Variants in ZBTB4 observed in about 807,000 individuals in gnomAD.
ZBTB4 encodes zinc finger and BTB domain-containing protein 4.
A neutral mutation model predicts 59.8 loss-of-function variants in ZBTB4; 14 were observed. That is an observed-to-expected ratio of 0.23 (90% confidence interval 0.15 to 0.37). ZBTB4 has a LOEUF of 0.37. Among genes scored for constraint, ZBTB4 ranks in the 10% least tolerant of loss-of-function variants. The pLI is 1.00. For missense variants in ZBTB4, 1,198 were observed against 1,380.8 expected (o/e 0.87, Z 2.10); for synonymous variants, 587 against 575.2 (o/e 1.02, Z -0.29).
rs368298812 is a variant in ZBTB4, at chr17:7,476,176, C to A, written c.-81+3280G>T. Among the ~76,000 whole-genome samples the A allele has an allele frequency of 2.0e-5, 3 of 152,306 alleles. No individual in the cohort carries two copies. In the East Asian group the frequency reaches 5.8e-4, roughly 29 times the overall value. ...CTTCCTCCATCCAGCCCTCCTCCCC[C>A]TGAGGGTCAACGTCCCTAACCACAG... is the stretch of plus-strand genomic sequence containing the variant. On this transcript the variant is annotated intron_variant, in intron 1 of 3. Coordinates refer to ENST00000380599, the MANE Select transcript of ZBTB4 (RefSeq NM_001128833.2).
At chr17:7,479,130 G>C (rs566708250) in intron 1 of ZBTB4, among the ~76,000 whole-genome samples, 19 of 151,804 alleles carry the variant, frequency 1.3e-4, no homozygotes, top group African/African-American at 2.4e-4. Flanking sequence ...CTGCCCCACG[G>C]GGGGAGGGGG....
upstream of ZBTB4, among the ~76,000 whole-genome samples, chr17:7,483,838 G>A (rs1223200158): frequency 6.6e-6 from 1 of 152,196 alleles, no homozygotes; most frequent in Non-Finnish European, 1.5e-5. Context: ...TACAGGCCAG[G>A]AGATGCCCAC....
chr17:7,464,963 T>A (rs568575500), intron 3 of ZBTB4, among the ~76,000 whole-genome samples: 1 of 150,270 alleles, frequency 6.7e-6, no homozygotes, highest in South Asian at 2.1e-4. Context: ...GAGACCATAC[T>A]GGCTAACACG....
At position 7,460,940 on chromosome 17, in the gene ZBTB4, C is replaced by T. The variant is rs1403479374; in HGVS notation, c.*1000G>A. 6.6e-6 allele frequency: 1 copy of T among 152,574 alleles called. No individual in the cohort carries two copies. The highest frequency in any genetic ancestry group is 1.5e-5 in the Non-Finnish European group (1 of 68,028). 9.5% of individuals were successfully genotyped at this position (152,574 alleles called of 1,614,324 possible). A position where few individuals can be genotyped will look rare whatever the true frequency, so the allele number is the denominator to read the frequency against. On this transcript the variant is annotated 3_prime_UTR_variant, in exon 4 of 4. Coordinates refer to ENST00000380599, the MANE Select transcript of ZBTB4 (RefSeq NM_001128833.2). ...TAAGGATGGAAGGTCATGTGCAAATCCTGGGCTTACCCACCCATCCGACCC... is the reference window on the plus strand; with the variant it reads ...TAAGGATGGAAGGTCATGTGCAAATTCTGGGCTTACCCACCCATCCGACCC...
Position 7,463,910 on chromosome 17 carries a change from A to C in ZBTB4, c.1092-20T>G, listed in dbSNP as rs894075441. The stretch of plus-strand genomic sequence containing the variant: ...TGGTACCTGGGTCAGGACAGCAGGG[A>C]ATAGGGCAGGAACACAGGCACTTGA... On this transcript the variant is annotated intron_variant, in intron 3 of 3. Coordinates refer to ENST00000380599, the MANE Select transcript of ZBTB4 (RefSeq NM_001128833.2). 2 of 1,602,908 alleles carry C rather than the reference A, an allele frequency of 1.2e-6. No homozygotes were observed. Among genetic ancestry groups the C allele is most frequent in the Non-Finnish European group, 8.5e-7 (1 of 1,174,992 alleles).
chr17:7,468,006 C>G (rs2150857040), intron 1 of ZBTB4, among the ~76,000 whole-genome samples: 1 of 152,328 alleles, frequency 6.6e-6, no homozygotes, highest in South Asian at 2.1e-4. Context: ...ACCTGATGCC[C>G]TAGGGATCTG....
In ZBTB4 at chr17:7,466,693, C is replaced by T; in HGVS notation, c.109G>A (p.Gly37Arg). Residue 37 changes from glycine (G) to arginine (R), a missense_variant, in exon 3 of 4, where the codon GGA becomes AGA. Transcript: ENST00000380599. The surrounding 1 kb of genome is among the most constrained non-coding windows in gnomAD (Gnocchi z 9.1). Reference sequence around the variant, plus strand: ...CGGTGAGCAGGGAACTTGGTGTCTCCGGCTATGAGGGTGACGTCACAGAAG... The same window carrying T: ...CGGTGAGCAGGGAACTTGGTGTCTCTGGCTATGAGGGTGACGTCACAGAAG... ...GLFCDVTLIA[G>R]DTKFPAHRSV... 1 of 1,610,252 alleles carries T rather than the reference C, an allele frequency of 6.2e-7. No homozygotes were observed. Among genetic ancestry groups the T allele is most frequent in the Non-Finnish European group, 8.5e-7 (1 of 1,178,804 alleles).
upstream of ZBTB4, chr17:7,481,436 C>T: frequency 2.9e-6 from 4 of 1,391,012 alleles, no homozygotes; most frequent in Non-Finnish European, 3.7e-6. Flanking sequence ...CCCACCCCCA[C>T]TCCAACCATG....
intron 1 of ZBTB4, among the ~76,000 whole-genome samples, chr17:7,468,879 G>A (rs1032381963): frequency 1.3e-5 from 2 of 152,198 alleles, no homozygotes; most frequent in African/African-American, 4.8e-5. Context: ...GAAGGAAGAT[G>A]GTAAACAGGG....
At chr17:7,482,797 C>G (rs1257115096), upstream of ZBTB4, 2 of 1,611,910 alleles carry the variant, frequency 1.2e-6, no homozygotes, top group African/African-American at 2.7e-5. Flanking sequence ...CATGTGTGAG[C>G]TATGCGGTCA....
In ZBTB4 at chr17:7,462,703, C is replaced by G. The variant is rs1284395807; in HGVS notation, c.2279G>C (p.Arg760Thr). 6 of 1,604,746 alleles carry G rather than the reference C, an allele frequency of 3.7e-6. No individual in the cohort carries two copies. The highest frequency in any genetic ancestry group is 5.1e-6 in the Non-Finnish European group (6 of 1,179,684). The change falls in exon 4 of 4, where the codon AGG becomes ACG. Residue 760 changes from arginine (R) to threonine (T), a missense_variant. Arg to Thr is a moderately conservative substitution (Grantham distance 71). This residue lies in a region of ZBTB4 where 550 missense variants were observed against 541.8 expected (regional missense o/e 1.02). Coordinates refer to ENST00000380599, the MANE Select transcript of ZBTB4 (RefSeq NM_001128833.2). This position sits in a 1 kb window ranked among gnomAD's most constrained non-coding sequence, Gnocchi z 7.5. ...GGGGCAGGTAAAGCGGGTGGAGGGCCTCCGTCCGGCCCGGGAGCTGTGGGA... is the reference window on the plus strand; with the variant it reads ...GGGGCAGGTAAAGCGGGTGGAGGGCGTCCGTCCGGCCCGGGAGCTGTGGGA... ...GGSHSSRAGR[R>T]PSTRFTCPHC... is the part of the protein sequence containing the mutation.
In ZBTB4 at chr17:7,462,842, C is replaced by G. The variant is rs1177536226; in HGVS notation, c.2140G>C (p.Glu714Gln). The G allele has an allele frequency of 6.2e-7, 1 of 1,603,552 alleles. No individual in the cohort carries two copies. The highest frequency in any genetic ancestry group is 8.5e-7 in the Non-Finnish European group (1 of 1,179,742). The part of the protein sequence containing the change: ...RRSWEETPAA[E>Q]SPAGRARTER... ...GTGCGGGCACGTCCCGCTGGGCTCT[C>G]GGCCGCTGGGGTTTCCTCCCAGCTC... Residue 714 changes from glutamate to glutamine, a missense_variant, in exon 4 of 4, where the codon GAG becomes CAG. By Grantham distance (29) the Glu-to-Gln change is conservative. Around this residue, in one of 9 missense-constraint regions of ZBTB4, gnomAD observed 550 missense variants for 541.8 expected, o/e 1.02. Coordinates refer to ENST00000380599, the MANE Select transcript of ZBTB4 (RefSeq NM_001128833.2). This position sits in a 1 kb window ranked among gnomAD's most constrained non-coding sequence, Gnocchi z 7.5.
chr17:7,482,883 T>C (rs752637253), upstream of ZBTB4: 7 of 1,612,036 alleles, frequency 4.3e-6, no homozygotes, highest in Non-Finnish European at 5.9e-6. Flanking sequence ...CAGTATTATA[T>C]GCTCCATGAG....
chr17:7,468,017 G>A (rs1403217404), intron 1 of ZBTB4, among the ~76,000 whole-genome samples: 2 of 152,196 alleles, frequency 1.3e-5, no homozygotes, highest in Admixed American at 1.3e-4. Flanking sequence ...TAGGGATCTG[G>A]ACTTAAAAAG....
intron 3 of ZBTB4, 37 bp downstream of exon 3, chr17:7,465,674 G>A (rs763117108): frequency 1.3e-5 from 20 of 1,560,546 alleles, no homozygotes; most frequent in Non-Finnish European, 8.7e-7. Context: ...CTGAGTGCCA[G>A]CCTCCAGCCG....
At chr17:7,481,622 A>G (rs965774761), upstream of ZBTB4, 34 of 792,982 alleles carry the variant, frequency 4.3e-5, no homozygotes, top group Non-Finnish European at 5.9e-5. Flanking sequence ...ATACCCACAA[A>G]TAGAATTCAT....
chr17:7,479,637 C>T, upstream of ZBTB4: 1 of 157,108 alleles, frequency 6.4e-6, no homozygotes, highest in Non-Finnish European at 1.3e-5. Flanking sequence ...TCATCGGCTC[C>T]CCCCGCCCCG....
rs890226017 is a variant in ZBTB4, at chr17:7,463,536, A to G, written c.1446T>C (p.Ile482=). 3 of 1,584,254 alleles carry G rather than the reference A, an allele frequency of 1.9e-6. No homozygotes were observed. The highest frequency in any genetic ancestry group is 2.6e-6 in the Non-Finnish European group (3 of 1,165,744). ...ITFAHPAPSV[I]VHGGSSSGGG... ...CACCACTGCTACTGCCCCCATGGAC[A>G]ATGACAGAGGGGGCTGGGTGGGCAA... is the stretch of plus-strand genomic sequence containing the variant. Residue 482 remains isoleucine (I), a synonymous_variant, in exon 4 of 4, where the codon ATT becomes ATC. Transcript: ENST00000380599.
At chr17:7,481,951 G>A (rs761186725), upstream of ZBTB4, 64 of 1,550,702 alleles carry the variant, frequency 4.1e-5, no homozygotes, top group Admixed American at 8.9e-4. Context: ...CCTGGGCTGC[G>A]GCTGCTGTCT....
Sources: allele counts gnomAD v4.1 joint callset (sites outside exome capture counted in the v4.1 genomes callset), GRCh38; gene constraint gnomAD v4.1.1; regional missense constraint gnomAD v4.1.1; non-coding constraint Gnocchi (gnomAD v3.1); transcripts MANE v1.5; gene names NCBI Gene and HGNC (gene_info 2026-07-23, HGNC 2026-07-21).